USH2A: variants seen among roughly 807,000 people sequenced by gnomAD.
USH2A encodes the protein usherin.
In USH2A, 443 loss-of-function variants were observed where a neutral mutation model predicts 538.9. The ratio of observed to expected loss-of-function variants is 0.82; its 90% CI spans 0.76 to 0.89. USH2A has a LOEUF of 0.89. Among genes scored for constraint, USH2A ranks in the 40% least tolerant of loss-of-function variants. The pLI, the probability that USH2A is intolerant of heterozygous loss-of-function variation, is 0.00. For missense variants in USH2A, 6,633 were observed against 6,324.8 expected (o/e 1.05, Z -1.65); for synonymous variants, 2,413 against 2,273.5 (o/e 1.06, Z -1.75).
intron 10 of USH2A, among the ~76,000 whole-genome samples, chr1:216,291,293 T>A (rs1454890590): frequency 6.6e-6 from 1 of 152,166 alleles, no homozygotes; most frequent in African/African-American, 2.4e-5. Context: ...TCTAGGCCAC[T>A]GCACAAAATG....
intron 9 of USH2A, among the ~76,000 whole-genome samples, chr1:216,304,788 G>A (rs1312554409): frequency 6.6e-6 from 1 of 151,724 alleles, no homozygotes; most frequent in African/African-American, 2.4e-5. Context: ...GAATCATTGA[G>A]AAGCAGGTTA....
chr1:215,901,235 A>G (rs1308545074), intron 38 of USH2A: 1 of 374,744 alleles, frequency 2.7e-6, no homozygotes, highest in Non-Finnish European at 5.1e-6. Context: ...TACCTTTTTC[A>G]TTTAACTCTT....
In USH2A at chr1:216,045,614, A is replaced by G. The variant is rs1040053761; in HGVS notation, c.6325+817T>C. 3.9e-5 allele frequency among the ~76,000 whole-genome samples: 6 copies of G among 152,174 alleles called. No homozygotes were observed. The East Asian group carries it at 5.8e-4, about 15-fold the overall frequency. The stretch of plus-strand genomic sequence containing the variant: ...AGAGAGGCATTTATTTGATGATGTC[A>G]TTGATCCAACTGGACACTGTGAGCC... On this transcript the variant is annotated intron_variant, in intron 32 of 71. Transcript: ENST00000307340.
At chr1:216,293,182 G>A (rs940708346) in intron 9 of USH2A, among the ~76,000 whole-genome samples, 6 of 151,902 alleles carry the variant, frequency 3.9e-5, no homozygotes, top group Non-Finnish European at 7.4e-5. Context: ...CCGCCACCAC[G>A]CTTGGCTAAT....
Position 216,175,317 on chromosome 1 carries a change from C to G in USH2A, c.4562G>C (p.Arg1521Pro), listed in dbSNP as rs770394440. Residue 1521 changes from arginine (R) to proline (P), a missense_variant, in exon 21 of 72, where the codon CGT (arginine) becomes CCT (proline). Coordinates refer to ENST00000307340, the MANE Select transcript of USH2A (RefSeq NM_206933.4). ...ALMTTMMKGI[R>P]FIGNGYCKFP... ...TTTACAATACCCATTTCCTATGAAACGGATTCCTTTCATCATCGTGGTCAT... is the reference window on the plus strand; with the variant it reads ...TTTACAATACCCATTTCCTATGAAAGGGATTCCTTTCATCATCGTGGTCAT... 1 of 1,613,742 alleles carries G rather than the reference C, an allele frequency of 6.2e-7. No homozygotes were observed. The highest frequency in any genetic ancestry group is 2.2e-5 in the East Asian group (1 of 44,788).
chr1:216,221,794 T>G (rs1359762879), intron 14 of USH2A, among the ~76,000 whole-genome samples: 1 of 152,226 alleles, frequency 6.6e-6, no homozygotes, highest in African/African-American at 2.4e-5. Flanking sequence ...AACTTTCAGA[T>G]ATGATAGCAG....
intron 21 of USH2A, among the ~76,000 whole-genome samples, chr1:216,167,767 T>A (rs2034199811): frequency 6.6e-6 from 1 of 152,168 alleles, no homozygotes. Context: ...TCACTCTTGC[T>A]CTAAAATTTG....
At chr1:216,422,870 T>G (rs2102790274) in intron 1 of USH2A, among the ~76,000 whole-genome samples, 1 of 151,974 alleles carries the variant, frequency 6.6e-6, no homozygotes, top group African/African-American at 2.4e-5. Flanking sequence ...GTGTTGTTAC[T>G]TCACCCCAGG....
intron 38 of USH2A, among the ~76,000 whole-genome samples, chr1:215,909,818 T>C (rs969514384): frequency 6.6e-6 from 1 of 151,910 alleles, no homozygotes; most frequent in Non-Finnish European, 1.5e-5. Flanking sequence ...GAAAGTATTG[T>C]TCATAGAGGA....
chr1:215,688,915 A>C (rs2102679575), intron 61 of USH2A, among the ~76,000 whole-genome samples: 1 of 152,200 alleles, frequency 6.6e-6, no homozygotes, highest in South Asian at 2.1e-4. Context: ...CTTTTGCTGA[A>C]GGCCAGGAAG....
intron 38 of USH2A, among the ~76,000 whole-genome samples, chr1:215,924,039 T>A (rs545339381): frequency 1.3e-5 from 2 of 152,020 alleles, no homozygotes; most frequent in African/African-American, 4.8e-5. Context: ...TCGTTTTATC[T>A]TCCCCATCTA....
chr1:215,665,374 C>T (rs994829134), intron 64 of USH2A, among the ~76,000 whole-genome samples: 1 of 152,168 alleles, frequency 6.6e-6, no homozygotes, highest in African/African-American at 2.4e-5. Flanking sequence ...GCTTCAGAGA[C>T]CCTGAGTGTG....
chr1:215,930,404 A>T (rs1378305692), intron 38 of USH2A, among the ~76,000 whole-genome samples: 1 of 151,100 alleles, frequency 6.6e-6, no homozygotes, highest in Non-Finnish European at 1.5e-5. Flanking sequence ...GTTCATCTGG[A>T]AAAAAAAAGG....
At chr1:216,091,137 C>T (rs2032292236) in intron 22 of USH2A, among the ~76,000 whole-genome samples, 2 of 152,134 alleles carry the variant, frequency 1.3e-5, no homozygotes, top group South Asian at 4.1e-4. Flanking sequence ...TTACTTCCCC[C>T]CATCAATGTT....
intron 37 of USH2A, among the ~76,000 whole-genome samples, chr1:215,935,036 G>C (rs1000825534): frequency 2.0e-5 from 3 of 151,948 alleles, no homozygotes; most frequent in Non-Finnish European, 4.4e-5. Context: ...GAAATAATTT[G>C]ATGAATATTC....
chr1:216,281,702 C>T lies in USH2A; in HGVS notation c.1971+7578G>A, dbSNP rs116638844. Among the ~76,000 whole-genome samples the T allele has an allele frequency of 1.8e-3, 278 of 152,164 alleles. 3 individuals carry two copies. Among genetic ancestry groups the T allele is most frequent in the African/African-American group, 6.4e-3 (266 of 41,532 alleles). Reference sequence around the variant, plus strand: ...TAAGATTTTATGAGGATATATGATACATACAGAGGAGTGAAACTTCTGGGT... The same window carrying T: ...TAAGATTTTATGAGGATATATGATATATACAGAGGAGTGAAACTTCTGGGT... On this transcript the variant is annotated intron_variant, in intron 11 of 71. Coordinates refer to ENST00000307340, the MANE Select transcript of USH2A (RefSeq NM_206933.4).
chr1:216,275,418 T>C (rs1195062272), intron 11 of USH2A, among the ~76,000 whole-genome samples: 1 of 152,132 alleles, frequency 6.6e-6, no homozygotes, highest in East Asian at 1.9e-4. Context: ...ATGTCTATAG[T>C]TAATGTTGTA....
chr1:216,342,638 C>T (rs561687871), intron 4 of USH2A, among the ~76,000 whole-genome samples: 151 of 152,136 alleles, frequency 9.9e-4, no homozygotes, highest in African/African-American at 2.2e-3. Context: ...ATATATACAC[C>T]AAGGAAAACT....
chr1:216,082,232 A>G (rs1034664350), intron 26 of USH2A, among the ~76,000 whole-genome samples: 3 of 118,726 alleles, frequency 2.5e-5, no homozygotes, highest in African/African-American at 1.0e-4. Context: ...ATACAACTAT[A>G]AAGAAGAGAA....
Sources: gnomAD v4.1 joint callset for allele counts (sites outside exome capture counted in the v4.1 genomes callset) on GRCh38, gnomAD v4.1.1 for gene constraint, MANE v1.5 for transcripts, NCBI Gene and HGNC (gene_info 2026-07-23, HGNC 2026-07-21) for gene names.